SGCZ: variants seen among roughly 807,000 people sequenced by gnomAD.
The protein encoded by SGCZ is sarcoglycan zeta, also known as zeta-sarcoglycan.
In SGCZ, 40 loss-of-function variants were observed where a neutral mutation model predicts 41.3. The observed-to-expected ratio is 0.97, with a 90% CI of 0.75 to 1.26. The LOEUF (loss-of-function observed/expected upper bound fraction) is 1.26, where lower values mean the gene tolerates loss of function less well. Among genes scored for constraint, SGCZ ranks in the 50% most tolerant of loss-of-function variants. The pLI is 0.00. For synonymous variants in SGCZ, 206 were observed against 137.5 expected, an observed-to-expected ratio of 1.50 and a Z score of -3.49; for missense variants, 552 against 369.8, an observed-to-expected ratio of 1.49 and a Z score of -4.04.
At chr8:15,056,857 T>C (rs929383239) in intron 1 of SGCZ, among the ~76,000 whole-genome samples, 1 of 152,156 alleles carries the variant, frequency 6.6e-6, no homozygotes, top group Non-Finnish European at 1.5e-5. Context: ...CTGTTAGTCA[T>C]CATGGGCCCA....
chr8:14,842,315 A>G (rs118173745), intron 1 of SGCZ, among the ~76,000 whole-genome samples: 2,945 of 152,112 alleles, frequency 0.019, 53 homozygotes, highest in Middle Eastern at 0.051. Context: ...AAAGGGCAAA[A>G]CAAGCAAATG....
In SGCZ at chr8:14,157,947, C is replaced by A. The variant is rs557562049; in HGVS notation, c.547+6633G>T. On this transcript the variant is annotated intron_variant, in intron 5 of 7. Coordinates refer to ENST00000382080, the MANE Select transcript of SGCZ (RefSeq NM_139167.4). ...CTGTAATCCCAGAACTTTGGGAGGCCAAGGTAGGCAGATCACTTGAGGCCG... is the reference window on the plus strand; with the variant it reads ...CTGTAATCCCAGAACTTTGGGAGGCAAAGGTAGGCAGATCACTTGAGGCCG... 5.3e-5 allele frequency among the ~76,000 whole-genome samples: 8 copies of A among 152,240 alleles called. No individual in the cohort carries two copies. In the East Asian group the frequency reaches 1.5e-3, roughly 29 times the overall value.
chr8:14,304,899 A>C (rs2116981595), intron 3 of SGCZ, among the ~76,000 whole-genome samples: 1 of 152,324 alleles, frequency 6.6e-6, no homozygotes, highest in Non-Finnish European at 1.5e-5. Context: ...TGCCTAAAGT[A>C]GAAAATAAAA....
At chr8:14,656,041 T>TA (rs1400749458) in intron 1 of SGCZ, among the ~76,000 whole-genome samples, 4 of 152,076 alleles carry the variant, frequency 2.6e-5, no homozygotes, top group Admixed American at 2.6e-4. Context: ...TTTGAGCTCT[T>TA]ACAGATAAAG....
At chr8:14,876,724 G>A (rs763166207) in intron 1 of SGCZ, among the ~76,000 whole-genome samples, 1 of 152,114 alleles carries the variant, frequency 6.6e-6, no homozygotes, top group Admixed American at 6.6e-5. Context: ...TGAACCAACT[G>A]GTTGAAACAG....
At chr8:14,829,825 T>C (rs555621675) in intron 1 of SGCZ, among the ~76,000 whole-genome samples, 11 of 152,248 alleles carry the variant, frequency 7.2e-5, no homozygotes, top group Non-Finnish European at 1.6e-4. Context: ...TTTGTTTTTG[T>C]TTTTTGGACG....
chr8:15,173,669 C>G (rs1310560368), intron 1 of SGCZ, among the ~76,000 whole-genome samples: 1 of 152,122 alleles, frequency 6.6e-6, no homozygotes, highest in Non-Finnish European at 1.5e-5. Flanking sequence ...AGAACATTCC[C>G]TAATGTCTAT....
At chr8:14,466,496 T>C (rs1326783513) in intron 2 of SGCZ, among the ~76,000 whole-genome samples, 1 of 151,978 alleles carries the variant, frequency 6.6e-6, no homozygotes, top group African/African-American at 2.4e-5. Flanking sequence ...TCCTTGGATC[T>C]TTATACTCTT....
At chr8:14,486,713 C>G (rs949294083) in intron 2 of SGCZ, among the ~76,000 whole-genome samples, 6 of 152,320 alleles carry the variant, frequency 3.9e-5, no homozygotes, top group African/African-American at 1.2e-4. Flanking sequence ...GCTGAGACCA[C>G]AGGCTTGCCT....
At chr8:14,726,220 G>C (rs1284522924) in intron 1 of SGCZ, among the ~76,000 whole-genome samples, 2 of 146,156 alleles carry the variant, frequency 1.4e-5, no homozygotes, top group Non-Finnish European at 3.0e-5. Flanking sequence ...CAGAGATTGT[G>C]CCACTGCATT....
At chr8:14,121,323 C>A (rs964431015) in intron 5 of SGCZ, among the ~76,000 whole-genome samples, 1 of 151,928 alleles carries the variant, frequency 6.6e-6, no homozygotes, top group Non-Finnish European at 1.5e-5. Flanking sequence ...AAATGTTATT[C>A]ACTACTATTC....
intron 2 of SGCZ, among the ~76,000 whole-genome samples, chr8:14,377,366 C>T (rs1005206690): frequency 3.3e-5 from 5 of 152,068 alleles, no homozygotes; most frequent in Non-Finnish European, 5.9e-5. Context: ...GTGTCTCCTT[C>T]ATTTGGCTGT....
At position 14,102,493 on chromosome 8, in the gene SGCZ, T is replaced by C. The variant is rs757356336; in HGVS notation, c.627A>G (p.Glu209=). ...CCATGATCAAGGATCTGGTGGGTGA[T>C]TCAAGCCTAAGGGAAAAACAAAAAA... ...RAEPSQDLRL[E]SPTRSLIMEA... is the part of the protein sequence containing the mutation. The change falls in exon 7 of 8, where the codon GAA becomes GAG. Residue 209 remains glutamate, a synonymous_variant. Transcript: ENST00000382080. 3 of 1,421,808 alleles carry C rather than the reference T, an allele frequency of 2.1e-6. No individual in the cohort carries two copies. Among genetic ancestry groups the C allele is most frequent in the Non-Finnish European group, 2.8e-6 (3 of 1,071,754 alleles). 88.1% of individuals were successfully genotyped at this position (1,421,808 alleles called of 1,614,324 possible). A position where few individuals can be genotyped will look rare whatever the true frequency, so the allele number is the denominator to read the frequency against.
intron 2 of SGCZ, among the ~76,000 whole-genome samples, chr8:14,368,828 TGCA>T: frequency 6.6e-6 from 1 of 151,570 alleles, no homozygotes; most frequent in Non-Finnish European, 1.5e-5. Flanking sequence ...GGTATACAAT[TGCA>T]GCAAAAAAAA....
chr8:15,168,412 T>C (rs912271434), intron 1 of SGCZ, among the ~76,000 whole-genome samples: 1 of 152,142 alleles, frequency 6.6e-6, no homozygotes, highest in Non-Finnish European at 1.5e-5. Context: ...GAGATATAGG[T>C]GAGAGCAGAT....
At chr8:14,414,546 C>G (rs1259018341) in intron 2 of SGCZ, among the ~76,000 whole-genome samples, 2 of 151,866 alleles carry the variant, frequency 1.3e-5, no homozygotes, top group Non-Finnish European at 2.9e-5. Context: ...ACTTATAAAC[C>G]TCTTCAAAAG....
At chr8:14,611,870 A>G (rs988228468) in intron 1 of SGCZ, among the ~76,000 whole-genome samples, 5 of 152,208 alleles carry the variant, frequency 3.3e-5, no homozygotes, top group East Asian at 1.9e-4. Context: ...TTGATGCAAA[A>G]GCTTGTCACT....
chr8:14,829,751 G>T (rs57853405), intron 1 of SGCZ, among the ~76,000 whole-genome samples: 20,051 of 151,800 alleles, frequency 0.13, 2,363 homozygotes, highest in African/African-American at 0.32. Context: ...TTATTTAAGG[G>T]TTTTTTTAAA....
At chr8:14,503,296 G>C (rs1020788780) in intron 2 of SGCZ, among the ~76,000 whole-genome samples, 7 of 152,044 alleles carry the variant, frequency 4.6e-5, no homozygotes, top group African/African-American at 9.7e-5. Flanking sequence ...GAGCCTGTCA[G>C]GGGATGGGGG....
Sources: gnomAD v4.1 joint callset for allele counts (sites outside exome capture counted in the v4.1 genomes callset) on GRCh38, gnomAD v4.1.1 for gene constraint, MANE v1.5 for transcripts, NCBI Gene and HGNC (gene_info 2026-07-23, HGNC 2026-07-21) for gene names.